The following MFSD6 variants were observed in gnomAD, a reference collection of about 807,000 sequenced individuals.
The protein encoded by MFSD6 is major facilitator superfamily domain containing 6.
MFSD6 carries 26 observed loss-of-function variants against 56.3 expected under a neutral mutation model. The observed-to-expected ratio is 0.46, with a 90% CI of 0.34 to 0.64. The LOEUF is 0.64. Among genes scored for constraint, MFSD6 ranks in the 30% least tolerant of loss-of-function variants. The pLI is 0.01. For synonymous variants in MFSD6, 331 were observed against 366.9 expected (o/e 0.90, Z 1.12); for missense variants, 750 against 986.2 (o/e 0.76, Z 3.21).
intron 3 of MFSD6, among the ~76,000 whole-genome samples, chr2:190,440,223 TA>T (rs1686321760): frequency 6.6e-6 from 1 of 152,220 alleles, no homozygotes; most frequent in Admixed American, 6.5e-5. Context: ...AATAGTTTTT[TA>T]AAAATAGCAT....
rs752631132 is a variant in MFSD6, at chr2:190,437,632, T to C, written c.1532+71T>C. 10 of 1,491,058 alleles carry C rather than the reference T, an allele frequency of 6.7e-6. No homozygotes were observed. The highest frequency in any genetic ancestry group is 8.1e-6 in the Non-Finnish European group (9 of 1,105,696). 92.4% of individuals were successfully genotyped at this position (1,491,058 alleles called of 1,614,324 possible). ...TCTTTTTATGGTTTATAGCTCCTTC[T>C]ACTACAATTTTAAGGTATTATAATT... On this transcript the variant is annotated intron_variant, in intron 3 of 7. Coordinates refer to ENST00000392328, the MANE Select transcript of MFSD6 (RefSeq NM_017694.4). This position sits in a 1 kb window ranked among gnomAD's most constrained non-coding sequence, Gnocchi z 5.9.
At chr2:190,476,528 G>T (rs559560997) in intron 4 of MFSD6, among the ~76,000 whole-genome samples, 68 of 152,236 alleles carry the variant, frequency 4.5e-4, no homozygotes, top group African/African-American at 1.6e-3. Flanking sequence ...CAATTAGAAT[G>T]GCAATCATTA....
At position 190,436,282 on chromosome 2, in the gene MFSD6, C is replaced by T. The variant is rs374826264; in HGVS notation, c.253C>T (p.Leu85Phe). The T allele has an allele frequency of 6.6e-5, 106 of 1,613,938 alleles. No homozygotes were observed. Among genetic ancestry groups the T allele is most frequent in the Admixed American group, 6.7e-5 (4 of 60,004 alleles). ...YFFFYSAYGS[L>F]YPLLPVYYKQ... ...TTTCTTTTACTCTGCCTATGGCTCT[C>T]TCTATCCCCTTTTGCCTGTGTATTA... The change falls in exon 3 of 8, where the codon CTC (leucine) becomes TTC (phenylalanine). Residue 85 changes from leucine to phenylalanine, a missense_variant. Coordinates refer to ENST00000392328, the MANE Select transcript of MFSD6 (RefSeq NM_017694.4). The surrounding 1 kb of genome is among the most constrained non-coding windows in gnomAD (Gnocchi z 5.3).
chr2:190,450,476 T>G (rs1197375792), intron 3 of MFSD6, among the ~76,000 whole-genome samples: 2 of 142,358 alleles, frequency 1.4e-5, no homozygotes, highest in Non-Finnish European at 3.0e-5. Flanking sequence ...ACTTTTTCTT[T>G]TTCTCTTTTT....
At position 190,490,420 on chromosome 2, in the gene MFSD6, G is replaced by A. The variant is rs772865465; in HGVS notation, c.1891+554G>A. ...CTACTAAAAATATAAAAAATTAGCC[G>A]GGCACGGTGGTGGGCGCCTGTAATC... On this transcript the variant is annotated intron_variant, in intron 6 of 7. Coordinates refer to ENST00000392328, the MANE Select transcript of MFSD6 (RefSeq NM_017694.4). This position sits in a 1 kb window ranked among gnomAD's most constrained non-coding sequence, Gnocchi z 4.5. 7.2e-5 allele frequency among the ~76,000 whole-genome samples: 11 copies of A among 152,056 alleles called. 1 individual carries two copies. Among genetic ancestry groups the A allele is most frequent in the Admixed American group, 3.9e-4 (6 of 15,284 alleles).
At chr2:190,475,337 T>C (rs1688234142) in intron 4 of MFSD6, among the ~76,000 whole-genome samples, 1 of 152,204 alleles carries the variant, frequency 6.6e-6, no homozygotes, top group South Asian at 2.1e-4. Flanking sequence ...GCCCAAAATC[T>C]CCTTAAGCTG....
rs2125152844 is a variant in MFSD6 at position 190,471,585 on chromosome 2, C to T, written c.1630+1730C>T. Among the ~76,000 whole-genome samples, 1 of 152,322 alleles carries T rather than the reference C, an allele frequency of 6.6e-6. No individual in the cohort carries two copies. Among genetic ancestry groups the T allele is most frequent in the East Asian group, 1.9e-4 (1 of 5,178 alleles). On this transcript the variant is annotated intron_variant, in intron 4 of 7. Transcript: ENST00000392328. The surrounding 1 kb of genome is among the most constrained non-coding windows in gnomAD (Gnocchi z 4.7). ...CTGAGGCTTGAGTAGGTAAACAAAG[C>T]AGCGGCTGGGAAGCTTGAACTGGGT...
intron 1 of MFSD6, among the ~76,000 whole-genome samples, chr2:190,408,805 G>T (rs1313861574): frequency 6.6e-6 from 1 of 151,728 alleles, no homozygotes; most frequent in Non-Finnish European, 1.5e-5. Flanking sequence ...CAGCACTTCC[G>T]CAAACGTAAC....
rs1406966966 is a variant in MFSD6, at chr2:190,410,363, C to T, written c.-176+1860C>T. On this transcript the variant is annotated intron_variant, in intron 1 of 7. Coordinates refer to ENST00000392328, the MANE Select transcript of MFSD6 (RefSeq NM_017694.4). This position sits in a 1 kb window ranked among gnomAD's most constrained non-coding sequence, Gnocchi z 4.4. ...CAGTAAGAGGTAGAGTTAAATTTGA[C>T]CTCATGTTTCTGGCTCCAAAGCCCA... Among the ~76,000 whole-genome samples, 1 of 152,160 alleles carries T rather than the reference C, an allele frequency of 6.6e-6. No individual in the cohort carries two copies. Among genetic ancestry groups the T allele is most frequent in the Non-Finnish European group, 1.5e-5 (1 of 68,028 alleles).
chr2:190,421,405 T>A (rs989885679), intron 2 of MFSD6, among the ~76,000 whole-genome samples: 1 of 152,192 alleles, frequency 6.6e-6, no homozygotes, highest in Non-Finnish European at 1.5e-5. Context: ...AAAGACAAAA[T>A]CCACATGACT....
rs1248830899 is a variant in MFSD6 at position 190,496,174 on chromosome 2, G to A, written c.1892-1265G>A. Among the ~76,000 whole-genome samples the A allele has an allele frequency of 6.6e-6, 1 of 151,264 alleles. No individual in the cohort carries two copies. Among genetic ancestry groups the A allele is most frequent in the Non-Finnish European group, 1.5e-5 (1 of 67,858 alleles). ...AAAAAACACCAAAGAGTGGACTAAG[G>A]ACATGCATAAACAATTCTCAAGCAA... On this transcript the variant is annotated intron_variant, in intron 6 of 7. Transcript: ENST00000392328. The surrounding 1 kb of genome is among the most constrained non-coding windows in gnomAD (Gnocchi z 4.7).
Position 190,499,316 on chromosome 2 carries a change from A to C in MFSD6, c.2173-699A>C, listed in dbSNP as rs1193670362. On this transcript the variant is annotated intron_variant, in intron 7 of 7. Transcript: ENST00000392328. This position sits in a 1 kb window ranked among gnomAD's most constrained non-coding sequence, Gnocchi z 6.0. ...AACATTTTTATTTGGGTGTTCAGCCAAAAAGTGATGGGTACTAATTTGGGG... is the reference window on the plus strand; with the variant it reads ...AACATTTTTATTTGGGTGTTCAGCCCAAAAGTGATGGGTACTAATTTGGGG... Among the ~76,000 whole-genome samples, 1 of 152,210 alleles carries C rather than the reference A, an allele frequency of 6.6e-6. No individual in the cohort carries two copies. The highest frequency in any genetic ancestry group is 1.5e-5 in the Non-Finnish European group (1 of 68,034).
At chr2:190,430,804 C>T (rs938490105) in intron 2 of MFSD6, among the ~76,000 whole-genome samples, 1 of 146,336 alleles carries the variant, frequency 6.8e-6, no homozygotes, top group Non-Finnish European at 1.5e-5. Context: ...AGGCGCCCCC[C>T]CCACCTCCCT....
At position 190,416,994 on chromosome 2, in the gene MFSD6, G is replaced by A. The variant is rs1690804003; in HGVS notation, c.-54+1581G>A. ...GTATTGAGAGCTTACAGGGGTAAAGGGCAATATGTTATGTTCTAGATTCCT... is the reference window on the plus strand; with the variant it reads ...GTATTGAGAGCTTACAGGGGTAAAGAGCAATATGTTATGTTCTAGATTCCT... On this transcript the variant is annotated intron_variant, in intron 2 of 7. Transcript: ENST00000392328. This position sits in a 1 kb window ranked among gnomAD's most constrained non-coding sequence, Gnocchi z 4.1. Among the ~76,000 whole-genome samples the A allele has an allele frequency of 6.6e-6, 1 of 151,998 alleles. No individual in the cohort carries two copies. Among genetic ancestry groups the A allele is most frequent in the African/African-American group, 2.4e-5 (1 of 41,388 alleles).
intron 2 of MFSD6, 155 bp from the exon 3 acceptor site, chr2:190,435,822 A>C: frequency 1.6e-6 from 1 of 607,582 alleles, no homozygotes; most frequent in Non-Finnish European, 2.6e-6. Context: ...ATTTTTCCTT[A>C]CCGGTATTGT....
In MFSD6 at chr2:190,491,300, C is replaced by T. The variant is rs917034320; in HGVS notation, c.1891+1434C>T. The stretch of plus-strand genomic sequence containing the variant: ...GGTTGCAGCTCACACTCAGGTGGAC[C>T]GAGTAGCATGTGGAGACTTGCATCA... On this transcript the variant is annotated intron_variant, in intron 6 of 7. Coordinates refer to ENST00000392328, the MANE Select transcript of MFSD6 (RefSeq NM_017694.4). This position sits in a 1 kb window ranked among gnomAD's most constrained non-coding sequence, Gnocchi z 4.2. Among the ~76,000 whole-genome samples, 1 of 152,138 alleles carries T rather than the reference C, an allele frequency of 6.6e-6. No individual in the cohort carries two copies. Among genetic ancestry groups the T allele is most frequent in the Non-Finnish European group, 1.5e-5 (1 of 68,028 alleles).
At chr2:190,446,240 T>C (rs1686579117) in intron 3 of MFSD6, among the ~76,000 whole-genome samples, 1 of 152,176 alleles carries the variant, frequency 6.6e-6, no homozygotes, top group Non-Finnish European at 1.5e-5. Flanking sequence ...CATAGAATTA[T>C]TACAAACTCT....
intron 4 of MFSD6, among the ~76,000 whole-genome samples, chr2:190,483,693 G>C (rs1688835636): frequency 6.6e-6 from 1 of 151,944 alleles, no homozygotes; most frequent in African/African-American, 2.4e-5. Flanking sequence ...AAATTAGCTG[G>C]GCGTGGTGGC....
chr2:190,470,118 C>T (rs1687831643), intron 4 of MFSD6, among the ~76,000 whole-genome samples: 1 of 152,202 alleles, frequency 6.6e-6, no homozygotes, highest in African/African-American at 2.4e-5. Flanking sequence ...CTAGAATAAA[C>T]TCCTGTGCAC....
Sources: gnomAD v4.1 joint callset for allele counts (sites outside exome capture counted in the v4.1 genomes callset) on GRCh38, gnomAD v4.1.1 for gene constraint, Gnocchi (gnomAD v3.1) non-coding constraint, MANE v1.5 for transcripts, NCBI Gene and HGNC (gene_info 2026-07-23, HGNC 2026-07-21) for gene names.